Variants in PLEKHS1 observed in about 807,000 individuals in gnomAD.
The protein encoded by PLEKHS1 is pleckstrin homology domain-containing family S member 1.
In PLEKHS1, 55 loss-of-function variants were observed where a neutral mutation model predicts 51.0. The observed-to-expected ratio is 1.08, with a 90% CI of 0.87 to 1.35. The LOEUF (loss-of-function observed/expected upper bound fraction) is 1.35, where lower values mean the gene tolerates loss of function less well. Among genes scored for constraint, PLEKHS1 ranks in the 40% most tolerant of loss-of-function variants. The pLI is 0.00. For synonymous variants in PLEKHS1, 153 were observed against 144.8 expected (o/e 1.06, Z -0.41); for missense variants, 398 against 423.0 (o/e 0.94, Z 0.52).
At position 113,771,670 on chromosome 10, in the gene PLEKHS1, G is replaced by A. The variant is rs1196997307; in HGVS notation, c.553-300G>A. On this transcript the variant is annotated intron_variant, in intron 7 of 11. Coordinates refer to ENST00000361048, the Ensembl canonical transcript of PLEKHS1. ...AGCCTGGGGGACAGAGTGAGACTCT[G>A]TCTCAAAAAAAAAAAAAAAAAAAAA... Among the ~76,000 whole-genome samples the A allele has an allele frequency of 7.4e-5, 7 of 94,780 alleles. No homozygotes were observed. The East Asian group carries it at 1.8e-3, about 24-fold the overall frequency. 62.2% of individuals were successfully genotyped at this position (94,780 alleles called of 152,430 possible).
chr10:113,772,257 A>G (rs1472364996), intron 8 of PLEKHS1, among the ~76,000 whole-genome samples, 168 bp downstream of exon 8: 4 of 152,218 alleles, frequency 2.6e-5, no homozygotes, highest in Non-Finnish European at 5.9e-5. Flanking sequence ...GACAGCTGTA[A>G]TACAAGACAG....
exon 12 of PLEKHS1, chr10:113,780,811 G>C (rs1418237692): frequency 1.3e-6 from 2 of 1,534,282 alleles, no homozygotes; most frequent in African/African-American, 2.7e-5. Flanking sequence ...AGCAGAACCA[G>C]GATGGAGCTG....
At chr10:113,764,033 A>G (rs1043362879) in intron 2 of PLEKHS1, among the ~76,000 whole-genome samples, 2 of 152,184 alleles carry the variant, frequency 1.3e-5, no homozygotes, top group African/African-American at 4.8e-5. Context: ...TCATTTTTAA[A>G]AGACATTTTT....
At chr10:113,765,339 A>C (rs1359404665) in intron 2 of PLEKHS1, 2 of 779,174 alleles carry the variant, frequency 2.6e-6, no homozygotes, top group Non-Finnish European at 4.8e-6. Flanking sequence ...GACATTCCTG[A>C]GTACTCTACC....
chr10:113,779,444 C>A (rs1014887735), intron 11 of PLEKHS1, among the ~76,000 whole-genome samples: 4 of 152,064 alleles, frequency 2.6e-5, no homozygotes, highest in African/African-American at 4.8e-5. Flanking sequence ...GTGGCGGGTG[C>A]CTGTTATCCC....
intron 2 of PLEKHS1, among the ~76,000 whole-genome samples, chr10:113,763,665 T>C (rs1002457613): frequency 6.6e-6 from 1 of 152,210 alleles, no homozygotes; most frequent in East Asian, 1.9e-4. Flanking sequence ...TAACTTCAAG[T>C]GATAGTATAC....
chr10:113,780,323 T>G (rs1844826747), intron 11 of PLEKHS1, among the ~76,000 whole-genome samples: 2 of 152,202 alleles, frequency 1.3e-5, no homozygotes, highest in Non-Finnish European at 2.9e-5. Context: ...TTTTAATTCT[T>G]GGTGCAATTG....
At chr10:113,775,175 C>A in intron 10 of PLEKHS1, 140 bp downstream of exon 10, 1 of 749,812 alleles carries the variant, frequency 1.3e-6, no homozygotes, top group Non-Finnish European at 2.1e-6. Context: ...CCATCTTCTC[C>A]CTGTCATTGA....
intron 5 of PLEKHS1, 127 bp downstream of exon 5, chr10:113,767,606 A>G (rs1459248303): frequency 7.6e-6 from 7 of 922,522 alleles, no homozygotes; most frequent in Admixed American, 3.9e-5. Context: ...CCATCTTGGC[A>G]ATCTTAGTTA....
chr10:113,769,005 A>C (rs1426401006), intron 6 of PLEKHS1, 115 bp downstream of exon 6: 1 of 638,492 alleles, frequency 1.6e-6, no homozygotes, highest in African/African-American at 1.9e-5. Context: ...ACAAGGAATA[A>C]ATAAATGAGA....
intron 2 of PLEKHS1, among the ~76,000 whole-genome samples, chr10:113,757,869 AC>A (rs1181889023): frequency 6.6e-6 from 1 of 152,250 alleles, no homozygotes; most frequent in African/African-American, 2.4e-5. Flanking sequence ...CAGCATGTTC[AC>A]CAGCTGTAGA....
chr10:113,780,761 C>T (rs1457874781), exon 12 of PLEKHS1: 1 of 1,562,592 alleles, frequency 6.4e-7, no homozygotes. Flanking sequence ...AAAGAGCCAG[C>T]AGAAAGGAGC....
At chr10:113,752,830 T>C (rs1853910190) in intron 1 of PLEKHS1, among the ~76,000 whole-genome samples, 1 of 152,148 alleles carries the variant, frequency 6.6e-6, no homozygotes, top group Non-Finnish European at 1.5e-5. Flanking sequence ...AAAGCACACT[T>C]TGACATCCAC....
intron 11 of PLEKHS1, among the ~76,000 whole-genome samples, chr10:113,776,594 C>T (rs77863938): frequency 0.014 from 2,108 of 152,282 alleles, 51 homozygotes; most frequent in African/African-American, 0.047. Flanking sequence ...AACTGAGCTG[C>T]TACATTCCTT....
intron 2 of PLEKHS1, chr10:113,765,538 C>G: frequency 1.7e-6 from 1 of 599,726 alleles, no homozygotes; most frequent in Non-Finnish European, 3.1e-6. Context: ...CAGACAAAAG[C>G]AAAACCACTC....
intron 11 of PLEKHS1, among the ~76,000 whole-genome samples, chr10:113,780,012 G>C (rs1334885789): frequency 6.6e-6 from 1 of 152,190 alleles, no homozygotes; most frequent in Non-Finnish European, 1.5e-5. Flanking sequence ...TTGGAAAAGG[G>C]AGATATGGAA....
At chr10:113,778,500 C>G (rs747432350) in intron 11 of PLEKHS1, among the ~76,000 whole-genome samples, 1 of 152,180 alleles carries the variant, frequency 6.6e-6, no homozygotes, top group Non-Finnish European at 1.5e-5. Flanking sequence ...TTCTGCACTA[C>G]GTAATAATCC....
exon 12 of PLEKHS1, chr10:113,781,230 CCCCAACATCCTT>C (rs1564831242): frequency 0.023 from 2,486 of 108,322 alleles, 171 homozygotes; most frequent in Non-Finnish European, 0.027. Context: ...ACACCTCCTT[CCCCAACATCCTT>C]CCCAACACCT....
intron 1 of PLEKHS1, among the ~76,000 whole-genome samples, chr10:113,753,384 G>A (rs1366473727): frequency 6.6e-6 from 1 of 152,150 alleles, no homozygotes; most frequent in Non-Finnish European, 1.5e-5. Context: ...TGCATTTTGG[G>A]GAGTGGGCAA....
Sources: allele counts gnomAD v4.1 joint callset (sites outside exome capture counted in the v4.1 genomes callset), GRCh38; gene constraint gnomAD v4.1.1; transcripts MANE v1.5; gene names NCBI Gene and HGNC (gene_info 2026-07-23, HGNC 2026-07-21).